The following PTGR2 variants were observed in gnomAD, a reference collection of about 807,000 sequenced individuals.
PTGR2 encodes the protein prostaglandin reductase 2.
A neutral mutation model predicts 43.4 loss-of-function variants in PTGR2; 32 were observed. That is an observed-to-expected ratio of 0.74 (90% CI 0.56 to 0.99). PTGR2 has a LOEUF of 0.99. PTGR2 is among the 50% of genes least tolerant of loss of function. The pLI is 0.00. For synonymous variants in PTGR2, 106 were observed against 139.2 expected, an observed-to-expected ratio of 0.76 and a Z score of 1.68; for missense variants, 373 against 420.0, an observed-to-expected ratio of 0.89 and a Z score of 0.98.
At position 73,879,091 on chromosome 14, in the gene PTGR2, C is replaced by T; in HGVS notation, c.520-5C>T. On this transcript the variant is annotated splice_polypyrimidine_tract_variant and splice_region_variant and intron_variant, in intron 5 of 9. Coordinates refer to ENST00000555661, the MANE Select transcript of PTGR2 (RefSeq NM_001146154.2). ...AGCCATTTAATCTTCAAATTTCCCC[C>T]CTAGATTGGCCATTTCTTAGGTTGT... 6.2e-7 allele frequency: 1 copy of T among 1,612,776 alleles called. No homozygotes were observed. Among genetic ancestry groups the T allele is most frequent in the South Asian group, 1.1e-5 (1 of 90,900 alleles).
intron 2 of PTGR2, among the ~76,000 whole-genome samples, chr14:73,859,799 A>C (rs1169856977): frequency 4.6e-5 from 7 of 151,666 alleles, no homozygotes; most frequent in Non-Finnish European, 1.0e-4. Context: ...AAAAAAAAGA[A>C]ATACATACTG....
chr14:73,883,602 T>C (rs115621198), intron 9 of PTGR2, among the ~76,000 whole-genome samples: 1 of 151,748 alleles, frequency 6.6e-6, no homozygotes, highest in Non-Finnish European at 1.5e-5. Context: ...GCTCCCACCT[T>C]AGCCCCCCGA....
In PTGR2 at chr14:73,884,139, A is replaced by C; in HGVS notation, c.1018A>C (p.Lys340Gln). The change falls in exon 10 of 10, where the codon AAG becomes CAG. Residue 340 changes from lysine to glutamine, a missense_variant. Coordinates refer to ENST00000555661, the MANE Select transcript of PTGR2 (RefSeq NM_001146154.2). ...QSMMTGGNIGKQIVCISEEIS... is the reference protein window; with the variant it reads ...QSMMTGGNIGQQIVCISEEIS... ...CATGATGACAGGAGGTAACATTGGA[A>C]AGCAGATAGTTTGCATTTCAGAAGA... 6.2e-7 allele frequency: 1 copy of C among 1,608,488 alleles called. No homozygotes were observed. Among genetic ancestry groups the C allele is most frequent in the Non-Finnish European group, 8.5e-7 (1 of 1,177,400 alleles).
chr14:73,868,403 G>T (rs1281818327), intron 3 of PTGR2, among the ~76,000 whole-genome samples: 1 of 152,116 alleles, frequency 6.6e-6, no homozygotes, highest in African/African-American at 2.4e-5. Context: ...TAACACATCA[G>T]TGCCCCCTTC....
intron 4 of PTGR2, chr14:73,874,625 C>T (rs569214986): frequency 2.2e-6 from 1 of 455,898 alleles, no homozygotes; most frequent in Admixed American, 2.3e-5. Context: ...TCTCAAACTC[C>T]TAGGCTCAAG....
intron 1 of PTGR2, among the ~76,000 whole-genome samples, chr14:73,856,443 A>C (rs1404477350): frequency 6.6e-6 from 1 of 151,422 alleles, no homozygotes; most frequent in Non-Finnish European, 1.5e-5. Context: ...TAGAGACAGG[A>C]TTTCATCATG....
chr14:73,877,065 C>A lies in PTGR2; in HGVS notation c.416C>A (p.Thr139Asn). ...FLGAIGMPGL[T>N]SLIGIQEKGH... ...GGAGCTATAGGTATGCCTGGTTTGA[C>A]TTCCTTGATTGGGATACAGGAAAAA... Residue 139 changes from threonine to asparagine, a missense_variant, in exon 5 of 10, where the codon ACT becomes AAT. Transcript: ENST00000555661. 1 of 1,613,856 alleles carries A rather than the reference C, an allele frequency of 6.2e-7. No homozygotes were observed. The highest frequency in any genetic ancestry group is 8.5e-7 in the Non-Finnish European group (1 of 1,179,800).
chr14:73,872,441 A>G (rs1405053672), intron 3 of PTGR2, among the ~76,000 whole-genome samples: 1 of 152,240 alleles, frequency 6.6e-6, no homozygotes, highest in Non-Finnish European at 1.5e-5. Context: ...ATGTGAGTGT[A>G]ACCTAATTGG....
rs766810794 is a variant in PTGR2 at position 73,876,483 on chromosome 14, C to CTTTTTTTTTTTTTTTT, written c.349-514_349-499dup. Among the ~76,000 whole-genome samples, 24 of 108,566 alleles carry CTTTTTTTTTTTTTTTT rather than the reference C, an allele frequency of 2.2e-4. 2 individuals are homozygous for CTTTTTTTTTTTTTTTT. Among genetic ancestry groups the CTTTTTTTTTTTTTTTT allele is most frequent in the East Asian group, 1.5e-3 (5 of 3,236 alleles). The allele number at this position is 108,566 out of a possible 152,430, so 71.2% of individuals were successfully genotyped here. A position where few individuals can be genotyped will look rare whatever the true frequency, so the allele number is the denominator to read the frequency against. ...TCTTCTTCTTCTAAGGACATAAGTC[C>CTTTTTTTTTTTTTTTT]TTTTTTTTTTTTTTTTGAGATGAAG... On this transcript the variant is annotated intron_variant, in intron 4 of 9. Transcript: ENST00000555661.
At chr14:73,864,736 T>C (rs1175962891) in intron 3 of PTGR2, among the ~76,000 whole-genome samples, 1 of 152,198 alleles carries the variant, frequency 6.6e-6, no homozygotes, top group East Asian at 1.9e-4. Flanking sequence ...TCTTCTATGC[T>C]GTAGGTTGTC....
chr14:73,874,102 T>G lies in PTGR2; in HGVS notation c.236T>G (p.Ile79Ser). ...QLSQVVDGGGIGIIEESKHTN... is the reference protein window; with the variant it reads ...QLSQVVDGGGSGIIEESKHTN... Reference sequence around the variant, plus strand: ...TCTCAAGTCGTTGATGGAGGAGGTATTGGAATTATAGAAGAAAGCAAACAC... The same window carrying G: ...TCTCAAGTCGTTGATGGAGGAGGTAGTGGAATTATAGAAGAAAGCAAACAC... The change falls in exon 4 of 10, where the codon ATT becomes AGT. Residue 79 changes from isoleucine to serine, a missense_variant. Physicochemically the swap from Ile to Ser is moderately radical, Grantham distance 142. Coordinates refer to ENST00000555661, the MANE Select transcript of PTGR2 (RefSeq NM_001146154.2). 6 of 1,613,952 alleles carry G rather than the reference T, an allele frequency of 3.7e-6. No homozygotes were observed. Among genetic ancestry groups the G allele is most frequent in the Non-Finnish European group, 5.1e-6 (6 of 1,179,888 alleles).
intron 9 of PTGR2, among the ~76,000 whole-genome samples, chr14:73,883,527 C>G (rs534852818): frequency 7.5e-4 from 114 of 151,450 alleles, no homozygotes; most frequent in Non-Finnish European, 1.5e-3. Context: ...GCTCTGTCAC[C>G]CGGGCTGGAG....
chr14:73,860,502 G>C (rs752256610), intron 2 of PTGR2, 37 bp from the exon 3 acceptor site: 2 of 1,016,470 alleles, frequency 2.0e-6, no homozygotes, highest in Admixed American at 4.2e-5. Flanking sequence ...TAGCAAAGTG[G>C]CTTTTTTTAA....
intron 2 of PTGR2, among the ~76,000 whole-genome samples, chr14:73,859,736 A>G (rs2054441722): frequency 6.6e-6 from 1 of 151,636 alleles, no homozygotes; most frequent in Admixed American, 6.6e-5. Flanking sequence ...ATAAGGAAGG[A>G]AAGTTTAGCC....
chr14:73,868,426 G>A (rs183998098), intron 3 of PTGR2, among the ~76,000 whole-genome samples: 2 of 152,196 alleles, frequency 1.3e-5, no homozygotes, highest in Admixed American at 6.5e-5. Flanking sequence ...CTTAATCTTT[G>A]TATGAATCAT....
chr14:73,875,349 AT>A (rs973792453), intron 4 of PTGR2, among the ~76,000 whole-genome samples: 156 of 141,016 alleles, frequency 1.1e-3, no homozygotes, highest in Middle Eastern at 3.9e-3. Flanking sequence ...GTTTGAGTTG[AT>A]TTTTTTTTTT....
intron 5 of PTGR2, chr14:73,878,874 G>T: frequency 1.9e-6 from 1 of 513,620 alleles, no homozygotes; most frequent in African/African-American, 1.9e-5. Context: ...ATAAGTTGAG[G>T]AACATAAGTC....
chr14:73,876,984 A>C lies in PTGR2; in HGVS notation c.349-14A>C. The C allele has an allele frequency of 6.3e-7, 1 of 1,598,604 alleles. No individual in the cohort carries two copies. The highest frequency in any genetic ancestry group is 8.6e-7 in the Non-Finnish European group (1 of 1,169,266). ...AATTCCTAGTATTTTTAAAGGGTAT[A>C]TATTTTATTTTAGGTAGACCCACAA... is the stretch of plus-strand genomic sequence containing the variant. On this transcript the variant is annotated splice_polypyrimidine_tract_variant and intron_variant, in intron 4 of 9. Coordinates refer to ENST00000555661, the MANE Select transcript of PTGR2 (RefSeq NM_001146154.2).
chr14:73,873,464 T>TC, intron 3 of PTGR2, among the ~76,000 whole-genome samples: 1 of 148,994 alleles, frequency 6.7e-6, no homozygotes, highest in Non-Finnish European at 1.5e-5. Context: ...TCTTTTCTTT[T>TC]CTTTTTTTTT....
Sources: allele counts gnomAD v4.1 joint callset (sites outside exome capture counted in the v4.1 genomes callset), GRCh38; gene constraint gnomAD v4.1.1; transcripts MANE v1.5; gene names NCBI Gene and HGNC (gene_info 2026-07-23, HGNC 2026-07-21).